NXF3: variants seen among roughly 807,000 people sequenced by gnomAD.
NXF3 encodes nuclear RNA export factor 3.
A neutral mutation model predicts 48.4 loss-of-function variants in NXF3; 34 were observed. The observed-to-expected ratio is 0.70, with a 90% CI of 0.53 to 0.93. The LOEUF is 0.93. Ranked by LOEUF, NXF3 falls within the 40% of genes least tolerant of loss-of-function variation. The pLI, the probability that NXF3 is intolerant of heterozygous loss-of-function variation, is 0.00. For missense variants in NXF3, 359 were observed against 406.1 expected, an observed-to-expected ratio of 0.88 and a Z score of 1.00; for synonymous variants, 132 against 145.7, an observed-to-expected ratio of 0.91 and a Z score of 0.68.
intron 1 of NXF3, among the ~76,000 whole-genome samples, chrX:103,090,103 A>C (rs904278079): frequency 8.1e-5 from 9 of 111,584 alleles, no homozygotes; most frequent in African/African-American, 2.9e-4. Flanking sequence ...TTTGCTCATT[A>C]ATTATAGCAG....
chrX:103,081,750 C>T (rs1349678490), intron 9 of NXF3: 3 of 114,600 alleles, frequency 2.6e-5, no homozygotes, highest in African/African-American at 9.6e-5. Flanking sequence ...CCACCCAGGG[C>T]CTCGGCCCTC....
At chrX:103,087,602 G>C in intron 1 of NXF3, 1 of 968,592 alleles carries the variant, frequency 1.0e-6, no homozygotes, top group Non-Finnish European at 1.5e-6. Context: ...TTTACCAGAG[G>C]AAAGATGGGC....
In NXF3 at chrX:103,080,128, G is replaced by C. The variant is rs1167441682; in HGVS notation, c.996+20C>G. The stretch of plus-strand genomic sequence containing the variant: ...CCCCCCCTTCCTCATGCACCACCCT[G>C]CTGGATCCTCTCTTCTCACCTTACA... On this transcript the variant is annotated intron_variant, in intron 11 of 19. Coordinates refer to ENST00000395065, the MANE Select transcript of NXF3 (RefSeq NM_022052.2). 3 of 1,210,043 alleles carry C rather than the reference G, an allele frequency of 2.5e-6. No individual in the cohort carries two copies. Among genetic ancestry groups the C allele is most frequent in the Non-Finnish European group, 3.4e-6 (3 of 894,184 alleles).
rs779207067 is a variant in NXF3 at position 103,083,621 on chromosome X, G to A, written c.423C>T (p.Phe141=). 7 of 1,207,876 alleles carry A rather than the reference G, an allele frequency of 5.8e-6. No homozygotes were observed. In the East Asian group the frequency reaches 8.9e-5, roughly 15 times the overall value. ...GGTCCTTTCTTACCTCAACTGGGAC[G>A]AAGGGTACACTGCATTCATTCTGAA... ...NLIQNECSVP[F]VPVEFHYENM... Residue 141 remains phenylalanine, a synonymous_variant, in exon 4 of 20, where the codon TTC becomes TTT. Coordinates refer to ENST00000395065, the MANE Select transcript of NXF3 (RefSeq NM_022052.2).
chrX:103,082,400 A>G, intron 8 of NXF3, 36 bp from the exon 9 acceptor site: 1 of 1,015,960 alleles, frequency 9.8e-7, no homozygotes, highest in South Asian at 2.0e-5. Context: ...AGACCCAGGA[A>G]AGAGCAGCTG....
chrX:103,083,886 G>A (rs769238990), intron 3 of NXF3, among the ~76,000 whole-genome samples, 194 bp from the exon 4 acceptor site: 23 of 111,195 alleles, frequency 2.1e-4, no homozygotes, highest in African/African-American at 7.5e-4. Flanking sequence ...AACCAAACAT[G>A]GATTTCCTAA....
At chrX:103,081,442 C>T (rs907360678) in intron 9 of NXF3, 31 of 112,655 alleles carry the variant, frequency 2.8e-4, no homozygotes, top group African/African-American at 9.4e-4. Context: ...CTGATGGTCC[C>T]AGACTCCTGT....
intron 1 of NXF3, chrX:103,088,660 T>C (rs1180309361): frequency 1.1e-6 from 1 of 928,959 alleles, no homozygotes; most frequent in Non-Finnish European, 1.5e-6. Flanking sequence ...TATTTCCTTC[T>C]GTATCCAAAC....
At chrX:103,084,660 G>A (rs1922101720) in intron 2 of NXF3, 55 bp downstream of exon 2, 17 of 1,162,550 alleles carry the variant, frequency 1.5e-5, no homozygotes, top group Admixed American at 2.2e-5. Context: ...CAGCTACAGA[G>A]TTATGTATTT....
chrX:103,091,738 C>A (rs1235348371), intron 1 of NXF3, among the ~76,000 whole-genome samples: 1 of 110,690 alleles, frequency 9.0e-6, no homozygotes, highest in Admixed American at 9.6e-5. Context: ...GTAATCCCAG[C>A]ACTTTGGGAG....
intron 10 of NXF3, 149 bp from the exon 11 acceptor site, chrX:103,080,365 C>T: frequency 1.5e-6 from 1 of 664,279 alleles, no homozygotes; most frequent in Non-Finnish European, 2.3e-6. Flanking sequence ...GTCGGGATTG[C>T]CGCCACCTGA....
chrX:103,092,887 A>C, intron 1 of NXF3, 109 bp downstream of exon 1: 1 of 802,240 alleles, frequency 1.2e-6, no homozygotes, highest in Non-Finnish European at 1.9e-6. Context: ...ACCCCCATCT[A>C]AAGGGAGATT....
intron 1 of NXF3, among the ~76,000 whole-genome samples, chrX:103,092,124 A>G (rs955653206): frequency 3.6e-5 from 4 of 111,574 alleles, no homozygotes; most frequent in Non-Finnish European, 7.5e-5. Context: ...AAAGAGAACT[A>G]GAAGAATTTT....
intron 1 of NXF3, among the ~76,000 whole-genome samples, chrX:103,091,346 C>T (rs1922267914): frequency 9.0e-6 from 1 of 111,646 alleles, no homozygotes; most frequent in South Asian, 3.8e-4. Flanking sequence ...ACGGACTCTG[C>T]CTCTGTGAAT....
chrX:103,078,136 C>T (rs1602885408), intron 17 of NXF3, among the ~76,000 whole-genome samples: 1 of 111,709 alleles, frequency 9.0e-6, no homozygotes, highest in Non-Finnish European at 1.9e-5. Context: ...AGAGCCCACA[C>T]ATTTTAAAAA....
chrX:103,090,821 C>A (rs1470752550), intron 1 of NXF3, among the ~76,000 whole-genome samples: 1 of 111,542 alleles, frequency 9.0e-6, no homozygotes, highest in Non-Finnish European at 1.9e-5. Context: ...AGAAGTGTGC[C>A]TGTTTATTAC....
chrX:103,078,999 C>T (rs1921939729), intron 16 of NXF3, among the ~76,000 whole-genome samples: 1 of 112,603 alleles, frequency 8.9e-6, no homozygotes, highest in Non-Finnish European at 1.9e-5. Context: ...TCAGACTCCA[C>T]AGTCTGTGTG....
In NXF3 at chrX:103,079,396, T is replaced by A; in HGVS notation, c.1298A>T (p.Asp433Val). 8.3e-7 allele frequency: 1 copy of A among 1,210,859 alleles called. No homozygotes were observed. The highest frequency in any genetic ancestry group is 3.0e-5 in the East Asian group (1 of 33,810). Reference sequence around the variant, plus strand: ...CATGTCCACCAGGAAGGAGCTGAGGTCATGCTGAGTTTTAGGCAACGCACT... The same window carrying A: ...CATGTCCACCAGGAAGGAGCTGAGGACATGCTGAGTTTTAGGCAACGCACT... ...SLSALPKTQH[D>V]LSSFLVDMWY... Residue 433 changes from aspartate to valine, a missense_variant, in exon 15 of 20, where the codon GAC becomes GTC. By Grantham distance (152) the Asp-to-Val change is radical. Transcript: ENST00000395065.
At position 103,082,893 on chromosome X, in the gene NXF3, C is replaced by T. The variant is rs747451970; in HGVS notation, c.692-45G>A. 6.4e-5 allele frequency: 74 copies of T among 1,153,676 alleles called. No homozygotes were observed. The East Asian group carries it at 1.6e-3, about 25-fold the overall frequency. On this transcript the variant is annotated intron_variant, in intron 7 of 19. Coordinates refer to ENST00000395065, the MANE Select transcript of NXF3 (RefSeq NM_022052.2). ...GAAAATCAGAAGTCTGAGAGGGACC[C>T]GCCTGGTACAGCATCAGCACTAACC...
Sources: gnomAD v4.1 joint callset for allele counts (sites outside exome capture counted in the v4.1 genomes callset) on GRCh38, gnomAD v4.1.1 for gene constraint, MANE v1.5 for transcripts, NCBI Gene and HGNC (gene_info 2026-07-23, HGNC 2026-07-21) for gene names.